Variants in IFT57 observed in about 807,000 individuals in gnomAD.
IFT57 encodes intraflagellar transport 57.
Under a neutral mutation model 56.8 loss-of-function variants are expected in IFT57, and 59 were observed. The observed-to-expected ratio is 1.04, with a 90% CI of 0.84 to 1.29. The LOEUF (loss-of-function observed/expected upper bound fraction) is 1.29, where lower values mean the gene tolerates loss of function less well. Ranked by LOEUF, IFT57 falls within the 50% of genes most tolerant of loss-of-function variation. The pLI is 0.00. For synonymous variants in IFT57, 209 were observed against 186.1 expected (o/e 1.12, Z -1.00); for missense variants, 470 against 522.1 (o/e 0.90, Z 0.97).
chr3:108,176,191 T>A (rs1369554), intron 6 of IFT57, among the ~76,000 whole-genome samples: 14,649 of 151,894 alleles, frequency 0.096, 769 homozygotes, highest in Middle Eastern at 0.12. Context: ...TTTAGTGAAT[T>A]TAAAACTATT....
In IFT57 at chr3:108,163,720, C is replaced by A. The variant is rs1380431586; in HGVS notation, c.1054G>T (p.Glu352Ter). The A allele has an allele frequency of 1.9e-6, 3 of 1,605,244 alleles. No individual in the cohort carries two copies. Among genetic ancestry groups the A allele is most frequent in the Non-Finnish European group, 2.6e-6 (3 of 1,173,378 alleles). The change falls in exon 10 of 11, where the codon GAA becomes TAA. Residue 352 changes from glutamate to a stop codon, truncating the protein, a stop_gained. Transcript: ENST00000264538. LOFTEE classifies it high-confidence loss of function. Reference sequence around the variant, plus strand: ...ATTTCTTGTTTTACCTTTTCTAATTCTTCCATAACCTTTCATGAAAACAAG... The same window carrying A: ...ATTTCTTGTTTTACCTTTTCTAATTATTCCATAACCTTTCATGAAAACAAG... ...RTRLLSEVME[E>*]LEKVKQEMEE...
intron 3 of IFT57, among the ~76,000 whole-genome samples, chr3:108,215,054 A>ACC (rs1412103881): frequency 2.0e-5 from 3 of 152,178 alleles, no homozygotes; most frequent in Admixed American, 2.0e-4. Flanking sequence ...TTATTTTAAC[A>ACC]TAGGTAATAA....
chr3:108,197,532 T>A (rs532542776), intron 5 of IFT57, among the ~76,000 whole-genome samples: 4 of 152,292 alleles, frequency 2.6e-5, no homozygotes, highest in African/African-American at 9.6e-5. Flanking sequence ...CTACTTAGAA[T>A]CCTGTTCCAG....
In IFT57 at chr3:108,222,208, GGT is replaced by G; in HGVS notation, c.113_114del (p.Tyr38SerfsTer58). On this transcript the variant is annotated frameshift_variant, in exon 1 of 11. Transcript: ENST00000264538. LOFTEE classifies it high-confidence loss of function. ...VVLERGPGAA[Y>X]HMFVVMEDLV... ...AAGTCCTCCATCACCACGAACATGT[GGT>G]AGGCCGCGCCGGGCCCCCGCTCCAA... 6.2e-7 allele frequency: 1 copy of G among 1,614,084 alleles called. No homozygotes were observed. The highest frequency in any genetic ancestry group is 8.5e-7 in the Non-Finnish European group (1 of 1,180,002).
At chr3:108,221,898 CTTAT>C (rs1389800789) in intron 1 of IFT57, 54 of 996,220 alleles carry the variant, frequency 5.4e-5, no homozygotes, top group Non-Finnish European at 6.9e-5. Context: ...CGTTCCAAAA[CTTAT>C]TTATTCTCTC....
At chr3:108,219,700 C>A in intron 1 of IFT57, 128 bp from the exon 2 acceptor site, 1 of 890,786 alleles carries the variant, frequency 1.1e-6, no homozygotes. Flanking sequence ...CAAAAGACCT[C>A]GATAATTCAC....
intron 2 of IFT57, 142 bp from the exon 3 acceptor site, chr3:108,218,795 A>T: frequency 2.2e-6 from 1 of 459,826 alleles, no homozygotes; most frequent in Non-Finnish European, 3.9e-6. Context: ...GCTTCATACA[A>T]ATCCATTTCA....
At chr3:108,205,097 T>A (rs1216194873) in intron 5 of IFT57, among the ~76,000 whole-genome samples, 1 of 152,084 alleles carries the variant, frequency 6.6e-6, no homozygotes, top group Admixed American at 6.6e-5. Flanking sequence ...TGTGTTACAC[T>A]ATGGGGAATA....
chr3:108,178,125 A>C (rs62262373), intron 6 of IFT57, among the ~76,000 whole-genome samples: 14,632 of 151,998 alleles, frequency 0.096, 764 homozygotes, highest in Middle Eastern at 0.12. Context: ...AATACAGAGT[A>C]CAGATACAGA....
At chr3:108,189,512 T>A (rs1452565735) in intron 6 of IFT57, among the ~76,000 whole-genome samples, 1 of 152,142 alleles carries the variant, frequency 6.6e-6, no homozygotes, top group Non-Finnish European at 1.5e-5. Context: ...ATTTTCAGAG[T>A]GATAAGCTTA....
rs753603210 is a variant in IFT57 at position 108,222,100 on chromosome 3, C to G, written c.212+11G>C. 1 of 1,583,022 alleles carries G rather than the reference C, an allele frequency of 6.3e-7. No homozygotes were observed. Among genetic ancestry groups the G allele is most frequent in the Admixed American group, 1.8e-5 (1 of 55,940 alleles). On this transcript the variant is annotated intron_variant, in intron 1 of 10. Coordinates refer to ENST00000264538, the MANE Select transcript of IFT57 (RefSeq NM_018010.4). ...GCAGGCACCCGGGCGCTCGGGGACG[C>G]CGGCACCCACCTGGACGGGGCCTTC... is the stretch of plus-strand genomic sequence containing the variant.
At chr3:108,171,966 T>TAC (rs2080095384) in intron 6 of IFT57, among the ~76,000 whole-genome samples, 2 of 151,656 alleles carry the variant, frequency 1.3e-5, no homozygotes, top group Non-Finnish European at 2.9e-5. Context: ...CATACATACA[T>TAC]ATACAAATAT....
chr3:108,186,702 G>A (rs2080185329), intron 6 of IFT57, among the ~76,000 whole-genome samples: 1 of 152,028 alleles, frequency 6.6e-6, no homozygotes, highest in East Asian at 1.9e-4. Flanking sequence ...CAGTGTGCTT[G>A]CCTCTCCTGC....
intron 5 of IFT57, among the ~76,000 whole-genome samples, chr3:108,205,857 TTA>T (rs965881577): frequency 1.0e-4 from 14 of 136,200 alleles, no homozygotes; most frequent in African/African-American, 3.5e-4. Flanking sequence ...TAACATATAT[TTA>T]TATAACATAT....
intron 6 of IFT57, among the ~76,000 whole-genome samples, chr3:108,171,780 A>G (rs2080093716): frequency 6.6e-6 from 1 of 151,764 alleles, no homozygotes; most frequent in African/African-American, 2.4e-5. Flanking sequence ...AACACGCATC[A>G]TTATATTATC....
In IFT57 at chr3:108,161,261, G is replaced by A. The variant is rs928865648; in HGVS notation, c.*1216C>T. ...ACAAATTAAATAAACTGGCATATTTGTCATTGTATTGATTGTCATCCTTTC... is the reference window on the plus strand; with the variant it reads ...ACAAATTAAATAAACTGGCATATTTATCATTGTATTGATTGTCATCCTTTC... On this transcript the variant is annotated 3_prime_UTR_variant, in exon 11 of 11. Transcript: ENST00000264538. 1 of 150,728 alleles carries A rather than the reference G, an allele frequency of 6.6e-6. No homozygotes were observed. 9.3% of individuals were successfully genotyped at this position (150,728 alleles called of 1,614,324 possible).
intron 5 of IFT57, among the ~76,000 whole-genome samples, chr3:108,196,196 G>A (rs2080243565): frequency 6.6e-6 from 1 of 152,074 alleles, no homozygotes; most frequent in Non-Finnish European, 1.5e-5. Flanking sequence ...TACCATTTGG[G>A]TGAACTGAAG....
At chr3:108,200,365 C>T (rs891481273) in intron 5 of IFT57, among the ~76,000 whole-genome samples, 4 of 151,894 alleles carry the variant, frequency 2.6e-5, no homozygotes, top group Admixed American at 6.6e-5. Context: ...GCAGCATCCA[C>T]GGGTCTTAAT....
At chr3:108,195,279 A>G (rs190702374) in intron 5 of IFT57, among the ~76,000 whole-genome samples, 1 of 152,310 alleles carries the variant, frequency 6.6e-6, no homozygotes, top group African/African-American at 2.4e-5. Flanking sequence ...ACAAGATACC[A>G]TTTTACCTCA....
Sources: gnomAD v4.1 joint callset for allele counts (sites outside exome capture counted in the v4.1 genomes callset) on GRCh38, gnomAD v4.1.1 for gene constraint, MANE v1.5 for transcripts, NCBI Gene and HGNC (gene_info 2026-07-23, HGNC 2026-07-21) for gene names.